Variants in PRKG1 observed in about 807,000 individuals in gnomAD.
The protein encoded by PRKG1 is protein kinase cGMP-dependent 1, also known as cGMP-dependent protein kinase 1.
PRKG1 carries 35 observed loss-of-function variants against 88.1 expected under a neutral mutation model. The ratio of observed to expected loss-of-function variants is 0.40; its 90% CI spans 0.30 to 0.53. The LOEUF (loss-of-function observed/expected upper bound fraction) is 0.53. Ranked by LOEUF, PRKG1 falls within the 20% of genes least tolerant of loss-of-function variation. The pLI, the probability that PRKG1 is intolerant of heterozygous loss-of-function variation, is 0.59. For synonymous variants in PRKG1, 303 were observed against 292.5 expected (o/e 1.04, Z -0.37); for missense variants, 540 against 839.8 (o/e 0.64, Z 4.41).
chr10:52,037,498 C>T (rs1373744352), intron 5 of PRKG1, among the ~76,000 whole-genome samples: 5 of 152,052 alleles, frequency 3.3e-5, no homozygotes, highest in Non-Finnish European at 5.9e-5. Context: ...GCCTTTTGAC[C>T]TTTTAGGGTC....
chr10:51,679,247 T>C (rs1316608530), intron 3 of PRKG1, among the ~76,000 whole-genome samples: 2 of 152,228 alleles, frequency 1.3e-5, no homozygotes, highest in Non-Finnish European at 2.9e-5. Flanking sequence ...GGACCTGTTT[T>C]ACACTCAGGG....
At chr10:51,331,096 C>T (rs939505233) in intron 2 of PRKG1, among the ~76,000 whole-genome samples, 2 of 152,228 alleles carry the variant, frequency 1.3e-5, no homozygotes, top group Admixed American at 6.5e-5. Context: ...GGCTCTCTGT[C>T]GTAGGCATGG....
At chr10:51,047,730 T>C (rs1368620424) in intron 1 of PRKG1, among the ~76,000 whole-genome samples, 1 of 152,120 alleles carries the variant, frequency 6.6e-6, no homozygotes, top group Non-Finnish European at 1.5e-5. Context: ...CAAGTTTCAG[T>C]TGGCATTCAG....
chr10:51,748,300 G>A (rs549327278), intron 3 of PRKG1, among the ~76,000 whole-genome samples: 34 of 152,246 alleles, frequency 2.2e-4, no homozygotes, highest in Admixed American at 7.2e-4. Context: ...ATGGTCACTG[G>A]GCAACAGTAT....
chr10:51,049,729 C>T (rs145405230), intron 1 of PRKG1, among the ~76,000 whole-genome samples: 2,624 of 152,274 alleles, frequency 0.017, 36 homozygotes, highest in Non-Finnish European at 0.029. Flanking sequence ...CCTAGTGACA[C>T]CTTCACAGGG....
intron 9 of PRKG1, among the ~76,000 whole-genome samples, chr10:52,218,313 C>T (rs1840163604): frequency 6.6e-6 from 1 of 151,204 alleles, no homozygotes. Flanking sequence ...TGACATCCAT[C>T]AAAGGGGCTG....
chr10:51,731,987 C>A (rs969915610), intron 3 of PRKG1, among the ~76,000 whole-genome samples: 36 of 151,122 alleles, frequency 2.4e-4, no homozygotes, highest in African/African-American at 8.7e-4. Flanking sequence ...TGTCCAAATT[C>A]CCTCCCTCTC....
chr10:51,460,048 C>A (rs778628901), intron 2 of PRKG1, among the ~76,000 whole-genome samples: 1 of 152,062 alleles, frequency 6.6e-6, no homozygotes, highest in Non-Finnish European at 1.5e-5. Flanking sequence ...GCACTACTGA[C>A]ACTGGGCTGA....
intron 5 of PRKG1, among the ~76,000 whole-genome samples, chr10:52,022,378 A>G (rs901431501): frequency 6.6e-6 from 1 of 152,200 alleles, no homozygotes; most frequent in Non-Finnish European, 1.5e-5. Flanking sequence ...TTATTGATCA[A>G]TGAAAAATGT....
Position 51,622,607 on chromosome 10 carries a change from T to A in PRKG1, c.592+154771T>A, listed in dbSNP as rs150351514. ...ATGGGAATGAGATACTTTGTTTATA[T>A]GTGAGATAAATCAGTAAGATAAATA... On this transcript the variant is annotated intron_variant, in intron 3 of 17. Transcript: ENST00000373980. 8.6e-3 allele frequency among the ~76,000 whole-genome samples: 1,315 copies of A among 152,312 alleles called. 17 individuals carry two copies. The highest frequency in any genetic ancestry group is 0.031 in the Middle Eastern group (9 of 294).
intron 4 of PRKG1, among the ~76,000 whole-genome samples, chr10:51,894,234 T>C (rs1188475546): frequency 6.6e-6 from 1 of 152,184 alleles, no homozygotes; most frequent in African/African-American, 2.4e-5. Flanking sequence ...TCAATCTTCC[T>C]GCACGTTAAA....
chr10:52,011,244 A>G (rs1466286677), intron 5 of PRKG1, among the ~76,000 whole-genome samples: 1 of 152,088 alleles, frequency 6.6e-6, no homozygotes, highest in Admixed American at 6.6e-5. Flanking sequence ...TATTTTTAGA[A>G]TTCATTTTTT....
At chr10:51,837,180 G>A (rs1201393070) in intron 4 of PRKG1, among the ~76,000 whole-genome samples, 1 of 152,138 alleles carries the variant, frequency 6.6e-6, no homozygotes, top group Non-Finnish European at 1.5e-5. Context: ...TTCAAATATA[G>A]AGATTGTCAA....
At chr10:52,220,600 G>T (rs1033519771) in intron 9 of PRKG1, among the ~76,000 whole-genome samples, 1 of 151,978 alleles carries the variant, frequency 6.6e-6, no homozygotes, top group South Asian at 2.1e-4. Context: ...CCCAGTGTGT[G>T]TTGTTCCCCT....
At chr10:52,273,197 T>A (rs1477257655) in intron 12 of PRKG1, among the ~76,000 whole-genome samples, 1 of 152,070 alleles carries the variant, frequency 6.6e-6, no homozygotes, top group East Asian at 1.9e-4. Context: ...TCTTCTAATA[T>A]AATTTATCCT....
At chr10:52,270,572 G>T (rs985281704) in intron 10 of PRKG1, among the ~76,000 whole-genome samples, 2 of 152,112 alleles carry the variant, frequency 1.3e-5, no homozygotes, top group Admixed American at 6.6e-5. Context: ...CCTTTGCAGG[G>T]ACATGGATGA....
At chr10:52,125,940 C>T (rs1482866266) in intron 7 of PRKG1, 1 of 152,104 alleles carries the variant, frequency 6.6e-6, no homozygotes, top group Non-Finnish European at 1.5e-5. Flanking sequence ...TACTAAGTGG[C>T]TAATGGTTGG....
chr10:51,804,871 G>T (rs961872937), intron 4 of PRKG1, among the ~76,000 whole-genome samples, 181 bp downstream of exon 4: 1 of 151,988 alleles, frequency 6.6e-6, no homozygotes, highest in Non-Finnish European at 1.5e-5. Context: ...TAAATCTGTA[G>T]AGATGTAAGA....
In PRKG1 at chr10:51,983,575, C is replaced by T. The variant is rs140000105; in HGVS notation, c.763-70909C>T. ...AGAACCACCCTGAAGAGTTTAGGTC[C>T]CACAGTTCCTCTAGGGCTAATGTCT... On this transcript the variant is annotated intron_variant, in intron 5 of 17. Coordinates refer to ENST00000373980, the MANE Select transcript of PRKG1 (RefSeq NM_006258.4). Among the ~76,000 whole-genome samples, 12 of 152,242 alleles carry T rather than the reference C, an allele frequency of 7.9e-5. No homozygotes were observed. In the East Asian group the frequency reaches 1.9e-3, roughly 25 times the overall value.
Sources: gnomAD v4.1 joint callset for allele counts (sites outside exome capture counted in the v4.1 genomes callset) on GRCh38, gnomAD v4.1.1 for gene constraint, MANE v1.5 for transcripts, NCBI Gene and HGNC (gene_info 2026-07-23, HGNC 2026-07-21) for gene names.